The following EYA2 variants were observed in gnomAD, a reference collection of about 807,000 sequenced individuals.
EYA2 encodes the protein protein phosphatase EYA2.
A neutral mutation model predicts 69.2 loss-of-function variants in EYA2; 31 were observed. The observed-to-expected ratio is 0.45, with a 90% CI of 0.34 to 0.60. EYA2 has a LOEUF of 0.60. Among genes scored for constraint, EYA2 ranks in the 20% least tolerant of loss-of-function variants. EYA2 has a pLI of 0.02. For missense variants in EYA2, 622 were observed against 701.2 expected (o/e 0.89, Z 1.28); for synonymous variants, 257 against 279.4 (o/e 0.92, Z 0.80).
chr20:47,055,559 C>T (rs1242136607), intron 5 of EYA2, among the ~76,000 whole-genome samples: 1 of 152,180 alleles, frequency 6.6e-6, no homozygotes, highest in Non-Finnish European at 1.5e-5. Flanking sequence ...TCCTGATGAC[C>T]TCTCTGACCT....
intron 5 of EYA2, among the ~76,000 whole-genome samples, chr20:47,067,232 TG>T (rs2031145840): frequency 1.3e-5 from 2 of 152,260 alleles, no homozygotes; most frequent in South Asian, 4.1e-4. Flanking sequence ...GAGAAAACAC[TG>T]CAGTCAGGAG....
intron 9 of EYA2, among the ~76,000 whole-genome samples, chr20:47,098,557 T>C (rs1174016714): frequency 1.3e-5 from 2 of 152,174 alleles, no homozygotes; most frequent in African/African-American, 2.4e-5. Context: ...CTCACCAACA[T>C]TCCTCAAACC....
intron 4 of EYA2, among the ~76,000 whole-genome samples, chr20:47,015,645 C>T (rs942682501): frequency 6.6e-6 from 1 of 152,122 alleles, no homozygotes. Flanking sequence ...TTCATACCTA[C>T]CAAGCTGGCA....
chr20:47,086,527 A>G (rs2031898154), intron 7 of EYA2, among the ~76,000 whole-genome samples: 1 of 136,870 alleles, frequency 7.3e-6, no homozygotes, highest in Admixed American at 7.1e-5. Context: ...CCAGAGCAGG[A>G]AAAGGAGGGG....
At chr20:47,019,990 C>A (rs1983650236) in intron 5 of EYA2, among the ~76,000 whole-genome samples, 1 of 82,140 alleles carries the variant, frequency 1.2e-5, no homozygotes, top group South Asian at 4.1e-4. Flanking sequence ...AAAAAAAATG[C>A]TGGGCATGGT....
At chr20:47,046,758 G>A (rs2030060325) in intron 5 of EYA2, among the ~76,000 whole-genome samples, 1 of 141,814 alleles carries the variant, frequency 7.1e-6, no homozygotes, top group African/African-American at 3.2e-5. Flanking sequence ...GTTTGACACT[G>A]TAAAATATGA....
intron 1 of EYA2, among the ~76,000 whole-genome samples, chr20:46,975,082 G>A (rs889460199): frequency 1.3e-5 from 2 of 152,142 alleles, no homozygotes; most frequent in Admixed American, 1.3e-4. Flanking sequence ...CAGGAGTTAA[G>A]GGTTTTGGGT....
At chr20:47,098,752 G>A (rs1198091236) in intron 9 of EYA2, among the ~76,000 whole-genome samples, 1 of 152,152 alleles carries the variant, frequency 6.6e-6, no homozygotes, top group Non-Finnish European at 1.5e-5. Context: ...GCCCACTGCA[G>A]CCCCCTACAT....
Position 47,172,797 on chromosome 20 carries a change from G to T in EYA2, c.1128G>T (p.Trp376Cys). 2 of 1,614,186 alleles carry T rather than the reference G, an allele frequency of 1.2e-6. No individual in the cohort carries two copies. Among genetic ancestry groups the T allele is most frequent in the Non-Finnish European group, 8.5e-7 (1 of 1,180,024 alleles). The stretch of plus-strand genomic sequence containing the variant: ...CTGGCGTGCACGGCGGCGTGGACTG[G>T]ATGAGGAAGCTGGCCTTCCGCTACC... ...LGSGVHGGVD[W>C]MRKLAFRYRR... The change falls in exon 12 of 16, where the codon TGG becomes TGT. Residue 376 changes from tryptophan (W) to cysteine (C), a missense_variant. Trp to Cys is a radical substitution (Grantham distance 215). This residue lies in a region of EYA2 where 257 missense variants were observed against 351.5 expected (regional missense o/e 0.73). Coordinates refer to ENST00000327619, the MANE Select transcript of EYA2 (RefSeq NM_005244.5).
chr20:47,007,536 G>A (rs937997520), intron 4 of EYA2, among the ~76,000 whole-genome samples: 6 of 152,210 alleles, frequency 3.9e-5, no homozygotes, highest in Admixed American at 2.0e-4. Context: ...TCTGTTCCAC[G>A]TGAGACTGGA....
At chr20:46,903,948 T>A (rs902863432) in intron 1 of EYA2, among the ~76,000 whole-genome samples, 5 of 152,198 alleles carry the variant, frequency 3.3e-5, no homozygotes, top group Non-Finnish European at 5.9e-5. Context: ...CAATGTTCAA[T>A]GAGCTAGCTA....
chr20:47,015,360 G>A lies in EYA2; in HGVS notation c.299-821G>A, dbSNP rs141541648. 3.9e-5 allele frequency among the ~76,000 whole-genome samples: 6 copies of A among 152,280 alleles called. No individual in the cohort carries two copies. The East Asian group carries it at 7.7e-4, about 20-fold the overall frequency. Reference sequence around the variant, plus strand: ...CATGGAATTAGTACCTATGCTTTAGGTAAGCATGCCGAGTTTTGCTGAAGC... The same window carrying A: ...CATGGAATTAGTACCTATGCTTTAGATAAGCATGCCGAGTTTTGCTGAAGC... On this transcript the variant is annotated intron_variant, in intron 4 of 15. Coordinates refer to ENST00000327619, the MANE Select transcript of EYA2 (RefSeq NM_005244.5).
At position 47,077,429 on chromosome 20, in the gene EYA2, T is replaced by C. The variant is rs560015313; in HGVS notation, c.661+3094T>C. Among the ~76,000 whole-genome samples, 41 of 152,322 alleles carry C rather than the reference T, an allele frequency of 2.7e-4. No homozygotes were observed. In the South Asian group the frequency reaches 8.5e-3, roughly 32 times the overall value. On this transcript the variant is annotated intron_variant, in intron 7 of 15. Transcript: ENST00000327619. Reference sequence around the variant, plus strand: ...TGTCAGTAGATATCACTGAGTTTCGTTCCTTTGTCTTCTTTTCTGAAACCT... The same window carrying C: ...TGTCAGTAGATATCACTGAGTTTCGCTCCTTTGTCTTCTTTTCTGAAACCT...
intron 7 of EYA2, among the ~76,000 whole-genome samples, chr20:47,082,101 A>G (rs567095491): frequency 6.6e-6 from 1 of 152,212 alleles, no homozygotes; most frequent in South Asian, 2.1e-4. Context: ...CAGCCTCGCA[A>G]AGTGCTGGGA....
chr20:46,939,160 A>C (rs533853459), intron 1 of EYA2, among the ~76,000 whole-genome samples: 2 of 152,308 alleles, frequency 1.3e-5, no homozygotes, highest in Middle Eastern at 3.4e-3. Context: ...AACACTCAGC[A>C]TTGCCCTGGT....
intron 3 of EYA2, among the ~76,000 whole-genome samples, chr20:47,003,541 T>C (rs1982507177): frequency 1.3e-5 from 2 of 152,170 alleles, no homozygotes; most frequent in Admixed American, 1.3e-4. Flanking sequence ...ACAAAGCGAG[T>C]GTGTTTATGT....
chr20:46,970,183 G>A (rs1407170480), intron 1 of EYA2, among the ~76,000 whole-genome samples: 3 of 152,224 alleles, frequency 2.0e-5, no homozygotes, highest in Non-Finnish European at 2.9e-5. Flanking sequence ...CGACTGAAGC[G>A]CGGTGAAAGT....
In EYA2 at chr20:47,089,309, C is replaced by G. The variant is rs1474518108; in HGVS notation, c.732C>G (p.Ala244=). The part of the protein sequence containing the change: ...KEGDTDRPHR[A]SDGKLRGRSK... Reference sequence around the variant, plus strand: ...GAGACACAGACAGGCCGCACCGGGCCTCCGACGGGAAGCTCCGAGGCCGGT... The same window carrying G: ...GAGACACAGACAGGCCGCACCGGGCGTCCGACGGGAAGCTCCGAGGCCGGT... Residue 244 remains alanine (A), a synonymous_variant, in exon 8 of 16, where the codon GCC becomes GCG. Coordinates refer to ENST00000327619, the MANE Select transcript of EYA2 (RefSeq NM_005244.5). 1 of 1,614,186 alleles carries G rather than the reference C, an allele frequency of 6.2e-7. No homozygotes were observed. The highest frequency in any genetic ancestry group is 1.7e-5 in the Admixed American group (1 of 60,026).
At chr20:47,028,853 G>A (rs1013961914) in intron 5 of EYA2, among the ~76,000 whole-genome samples, 7 of 152,012 alleles carry the variant, frequency 4.6e-5, no homozygotes, top group African/African-American at 1.7e-4. Flanking sequence ...GCAAACTAAG[G>A]AGCCCCAGCC....
Sources: allele counts gnomAD v4.1 joint callset (sites outside exome capture counted in the v4.1 genomes callset), GRCh38; gene constraint gnomAD v4.1.1; regional missense constraint gnomAD v4.1.1; transcripts MANE v1.5; gene names NCBI Gene and HGNC (gene_info 2026-07-23, HGNC 2026-07-21).